The following ADCY5 variants were observed in gnomAD, a reference collection of about 807,000 sequenced individuals.
ADCY5 encodes the protein adenylate cyclase type 5.
ADCY5 carries 30 observed loss-of-function variants against 119.7 expected under a neutral mutation model. The ratio of observed to expected loss-of-function variants is 0.25; its 90% confidence interval spans 0.19 to 0.34. The LOEUF is 0.34. Among genes scored for constraint, ADCY5 ranks in the 10% least tolerant of loss-of-function variants. The probability of loss-of-function intolerance (pLI) is 1.00; values close to 1 mark genes in which losing one functional copy is unlikely to be tolerated. For synonymous variants in ADCY5, 753 were observed against 762.2 expected (o/e 0.99, Z 0.20); for missense variants, 1,324 against 1,775.2 (o/e 0.75, Z 4.57).
chr3:123,354,690 T>G (rs1261757197), intron 1 of ADCY5, among the ~76,000 whole-genome samples: 1 of 151,952 alleles, frequency 6.6e-6, no homozygotes, highest in African/African-American at 2.4e-5. Flanking sequence ...CAGGAGAAAC[T>G]GGGAGGAAGA....
At chr3:123,395,648 T>C (rs1043453640) in intron 1 of ADCY5, among the ~76,000 whole-genome samples, 1 of 151,398 alleles carries the variant, frequency 6.6e-6, no homozygotes, top group East Asian at 1.9e-4. Flanking sequence ...GAGGGTGAGG[T>C]GGGAGGATTG....
intron 13 of ADCY5, among the ~76,000 whole-genome samples, chr3:123,303,739 C>G (rs1939999208): frequency 6.6e-6 from 1 of 152,126 alleles, no homozygotes; most frequent in Non-Finnish European, 1.5e-5. Flanking sequence ...GCAGGAGGAC[C>G]TCTTGATCCC....
intron 1 of ADCY5, among the ~76,000 whole-genome samples, chr3:123,437,002 A>C (rs1559878613): frequency 2.0e-5 from 3 of 152,140 alleles, no homozygotes; most frequent in Non-Finnish European, 4.4e-5. Context: ...CCCTGAGACA[A>C]GGATTTGAGT....
intron 1 of ADCY5, among the ~76,000 whole-genome samples, chr3:123,437,246 G>A (rs1051491817): frequency 2.0e-5 from 3 of 152,226 alleles, no homozygotes; most frequent in East Asian, 1.9e-4. Flanking sequence ...TGGGGCATTC[G>A]TCTACCAGTG....
At chr3:123,417,070 A>G (rs112716212) in intron 1 of ADCY5, among the ~76,000 whole-genome samples, 3 of 151,888 alleles carry the variant, frequency 2.0e-5, no homozygotes, top group Admixed American at 1.3e-4. Flanking sequence ...TATGCCCCCA[A>G]TCTCTGGTAA....
chr3:123,445,707 CT>C (rs1249441096), intron 1 of ADCY5, among the ~76,000 whole-genome samples: 1 of 151,990 alleles, frequency 6.6e-6, no homozygotes, highest in African/African-American at 2.4e-5. Context: ...TCTGAAAAAA[CT>C]TTTAACTTAG....
chr3:123,334,877 C>T (rs1941951323), intron 3 of ADCY5, among the ~76,000 whole-genome samples: 1 of 152,198 alleles, frequency 6.6e-6, no homozygotes, highest in African/African-American at 2.4e-5. Flanking sequence ...AAATCCAACA[C>T]CTCACATACT....
rs147836097 is a variant in ADCY5, at chr3:123,368,946, C to T, written c.1135-16365G>A. On this transcript the variant is annotated intron_variant, in intron 1 of 20. Transcript: ENST00000462833. Reference sequence around the variant, plus strand: ...ATTCCAACTCACAAGAGAAGACAGTCCCAGACCCCCAGTTGCCTCTGATGG... The same window carrying T: ...ATTCCAACTCACAAGAGAAGACAGTTCCAGACCCCCAGTTGCCTCTGATGG... Among the ~76,000 whole-genome samples, 6 of 152,258 alleles carry T rather than the reference C, an allele frequency of 3.9e-5. No homozygotes were observed. The East Asian group carries it at 1.2e-3, about 29-fold the overall frequency.
At chr3:123,351,599 A>G (rs1348977092) in intron 2 of ADCY5, among the ~76,000 whole-genome samples, 1 of 151,286 alleles carries the variant, frequency 6.6e-6, no homozygotes, top group East Asian at 1.9e-4. Context: ...CACCCTGCAG[A>G]CCCGCCCACT....
At chr3:123,306,329 A>G (rs920534818) in intron 12 of ADCY5, among the ~76,000 whole-genome samples, 2 of 152,028 alleles carry the variant, frequency 1.3e-5, no homozygotes, top group African/African-American at 2.4e-5. Context: ...AGATATCCAC[A>G]TGCAAAAAAT....
intron 1 of ADCY5, among the ~76,000 whole-genome samples, chr3:123,403,464 ACCAACGG>A (rs1230275305): frequency 6.6e-6 from 1 of 151,012 alleles, no homozygotes; most frequent in Non-Finnish European, 1.5e-5. Context: ...TGGCTCCACC[ACCAACGG>A]CCTGTGTTGC....
chr3:123,293,968 G>A (rs866506557), intron 17 of ADCY5, among the ~76,000 whole-genome samples: 37 of 152,276 alleles, frequency 2.4e-4, no homozygotes, highest in African/African-American at 7.9e-4. Context: ...GCCTGCGATC[G>A]CGTGTGTTGG....
At chr3:123,308,528 G>C (rs1940342527) in intron 12 of ADCY5, among the ~76,000 whole-genome samples, 1 of 151,900 alleles carries the variant, frequency 6.6e-6, no homozygotes, top group South Asian at 2.1e-4. Context: ...ACTAACCCCA[G>C]TTTGGATCTT....
intron 17 of ADCY5, among the ~76,000 whole-genome samples, chr3:123,293,341 G>A (rs989590671): frequency 6.6e-6 from 1 of 152,226 alleles, no homozygotes. Flanking sequence ...GCGGGGCAGA[G>A]ACTATCACTT....
At chr3:123,329,488 A>G (rs1436230814) in intron 5 of ADCY5, among the ~76,000 whole-genome samples, 1 of 152,202 alleles carries the variant, frequency 6.6e-6, no homozygotes, top group Non-Finnish European at 1.5e-5. Flanking sequence ...CTGGGCGAGC[A>G]GTGGAGGCAG....
intron 1 of ADCY5, among the ~76,000 whole-genome samples, chr3:123,432,482 T>C (rs1563425): frequency 0.99 from 150,820 of 152,316 alleles, 74,692 homozygotes; most frequent in Middle Eastern, 1. Context: ...TGGCGGATCC[T>C]AGAAAGGGAG....
chr3:123,330,479 A>AC (rs1480083664), intron 5 of ADCY5, among the ~76,000 whole-genome samples: 5 of 152,108 alleles, frequency 3.3e-5, no homozygotes, highest in Admixed American at 6.5e-5. Flanking sequence ...GAGTTGTCTA[A>AC]CCCCTATGAG....
chr3:123,439,257 T>A (rs768255275), intron 1 of ADCY5, among the ~76,000 whole-genome samples: 2 of 151,346 alleles, frequency 1.3e-5, no homozygotes, highest in Non-Finnish European at 2.9e-5. Flanking sequence ...AGAGACGGGG[T>A]TTCACCGTGT....
At chr3:123,325,594 G>A in intron 7 of ADCY5, 132 bp from the exon 8 acceptor site, 1 of 1,196,238 alleles carries the variant, frequency 8.4e-7, no homozygotes, top group South Asian at 1.4e-5. Flanking sequence ...CAGCCCTGGA[G>A]CCAGAGCTCG....
Sources: allele counts gnomAD v4.1 joint callset (sites outside exome capture counted in the v4.1 genomes callset), GRCh38; gene constraint gnomAD v4.1.1; transcripts MANE v1.5; gene names NCBI Gene and HGNC (gene_info 2026-07-23, HGNC 2026-07-21).